Variants in CAMTA1 observed in about 807,000 individuals in gnomAD.
CAMTA1 encodes calmodulin-binding transcription activator 1.
CAMTA1 carries 27 observed loss-of-function variants against 170.9 expected under a neutral mutation model. The ratio of observed to expected loss-of-function variants is 0.16; its 90% CI spans 0.12 to 0.22. CAMTA1 has a LOEUF of 0.22. Among genes scored for constraint, CAMTA1 ranks in the 10% least tolerant of loss-of-function variants. The pLI is 1.00. For missense variants in CAMTA1, 1,619 were observed against 2,217.2 expected (o/e 0.73, Z 5.42); for synonymous variants, 833 against 891.5 (o/e 0.93, Z 1.17).
At chr1:6,850,153 G>A (rs1450506515) in intron 3 of CAMTA1, among the ~76,000 whole-genome samples, 1 of 152,018 alleles carries the variant, frequency 6.6e-6, no homozygotes, top group Non-Finnish European at 1.5e-5. Context: ...GAAAACGTGG[G>A]TCAATACTTA....
chr1:7,379,827 T>C (rs1282328992), intron 5 of CAMTA1, among the ~76,000 whole-genome samples: 1 of 152,240 alleles, frequency 6.6e-6, no homozygotes, highest in Non-Finnish European at 1.5e-5. Flanking sequence ...CAGCTTTCCT[T>C]GTGTTCTCAT....
At chr1:7,703,184 G>A (rs977951164) in intron 11 of CAMTA1, among the ~76,000 whole-genome samples, 2 of 152,216 alleles carry the variant, frequency 1.3e-5, no homozygotes, top group African/African-American at 2.4e-5. Flanking sequence ...AAGCCACTGA[G>A]GGTGGCCAGA....
intron 4 of CAMTA1, among the ~76,000 whole-genome samples, chr1:7,208,070 T>C (rs1344744748): frequency 6.6e-6 from 1 of 152,266 alleles, no homozygotes; most frequent in East Asian, 1.9e-4. Context: ...CTTGCTCCTC[T>C]TGTGGCCAAC....
At chr1:7,245,788 C>T (rs967860382) in intron 4 of CAMTA1, among the ~76,000 whole-genome samples, 5 of 152,064 alleles carry the variant, frequency 3.3e-5, no homozygotes, top group African/African-American at 4.8e-5. Context: ...AAGGAGATCC[C>T]GAGATGAAGA....
intron 3 of CAMTA1, among the ~76,000 whole-genome samples, chr1:6,922,666 C>T (rs544894685): frequency 6.8e-4 from 104 of 152,294 alleles, no homozygotes; most frequent in African/African-American, 2.3e-3. Flanking sequence ...AGTCACACGG[C>T]ATCCCTCCTG....
intron 5 of CAMTA1, among the ~76,000 whole-genome samples, chr1:7,425,316 G>A (rs777352303): frequency 2.1e-4 from 32 of 152,236 alleles, no homozygotes; most frequent in African/African-American, 7.0e-4. Context: ...AGGAGAGGCC[G>A]CACAGTTCCC....
chr1:7,581,263 G>C (rs2095258179), intron 6 of CAMTA1, among the ~76,000 whole-genome samples: 1 of 152,244 alleles, frequency 6.6e-6, no homozygotes, highest in South Asian at 2.1e-4. Flanking sequence ...ACTTTTTCCT[G>C]GCAATCATGG....
chr1:7,563,028 G>A (rs1246475377), intron 6 of CAMTA1, among the ~76,000 whole-genome samples: 6 of 152,150 alleles, frequency 3.9e-5, no homozygotes, highest in South Asian at 2.1e-4. Flanking sequence ...TTCTAGAGAC[G>A]ACTCTCAACA....
intron 2 of CAMTA1, among the ~76,000 whole-genome samples, chr1:6,824,656 T>C (rs1646904230): frequency 6.6e-6 from 1 of 152,188 alleles, no homozygotes; most frequent in African/African-American, 2.4e-5. Flanking sequence ...GATGAAGTAG[T>C]ATTTACGAAC....
intron 7 of CAMTA1, among the ~76,000 whole-genome samples, chr1:7,655,077 C>A (rs1268282384): frequency 3.3e-5 from 4 of 119,622 alleles, no homozygotes; most frequent in African/African-American, 9.1e-5. Context: ...CACCTATACA[C>A]ACACACCCAC....
intron 5 of CAMTA1, among the ~76,000 whole-genome samples, chr1:7,281,828 TGTGTGTG>T (rs1671559470): frequency 6.6e-6 from 1 of 151,592 alleles, no homozygotes; most frequent in Non-Finnish European, 1.5e-5. Flanking sequence ...TGTGTGTGTG[TGTGTGTG>T]TGTGTGTGTA....
rs1343628627 is a variant in CAMTA1, at chr1:7,736,655, C to T, written c.3263+115C>T. ...CCCATTCAGTCCACTTTATAGCCGG[C>T]GAGCAAAGGGCTTTGTCCTTGGACA... On this transcript the variant is annotated intron_variant, in intron 13 of 22. Transcript: ENST00000303635. The surrounding 1 kb of genome is among the most constrained non-coding windows in gnomAD (Gnocchi z 4.5). 7.8e-6 allele frequency: 8 copies of T among 1,029,736 alleles called. No homozygotes were observed. The highest frequency in any genetic ancestry group is 1.6e-5 in the African/African-American group (1 of 63,010). The allele number at this position is 1,029,736 out of a possible 1,614,324, so 63.8% of individuals were successfully genotyped here.
At chr1:7,413,973 T>C (rs1263973864) in intron 5 of CAMTA1, among the ~76,000 whole-genome samples, 1 of 152,228 alleles carries the variant, frequency 6.6e-6, no homozygotes, top group Non-Finnish European at 1.5e-5. Flanking sequence ...TGAAGGGTTG[T>C]TGAATTTTGT....
At chr1:6,895,135 A>G (rs1675350370) in intron 3 of CAMTA1, among the ~76,000 whole-genome samples, 1 of 152,232 alleles carries the variant, frequency 6.6e-6, no homozygotes, top group Non-Finnish European at 1.5e-5. Flanking sequence ...CTGTCCGGAC[A>G]GGGTGCAGTG....
chr1:7,246,380 T>C (rs1030021728), intron 4 of CAMTA1, among the ~76,000 whole-genome samples: 1 of 152,212 alleles, frequency 6.6e-6, no homozygotes, highest in Non-Finnish European at 1.5e-5. Context: ...CGTGCCCCAC[T>C]GGTACCGGGC....
At chr1:6,962,106 T>C (rs562265859) in intron 3 of CAMTA1, among the ~76,000 whole-genome samples, 1 of 152,300 alleles carries the variant, frequency 6.6e-6, no homozygotes, top group African/African-American at 2.4e-5. Context: ...GCTTTGGGCC[T>C]CACGCCTCTG....
At chr1:6,882,410 C>G (rs552824785) in intron 3 of CAMTA1, among the ~76,000 whole-genome samples, 1 of 152,164 alleles carries the variant, frequency 6.6e-6, no homozygotes, top group South Asian at 2.1e-4. Context: ...ACTGATGGTG[C>G]CTTGGACAGA....
At chr1:6,964,680 C>T (rs542808212) in intron 3 of CAMTA1, among the ~76,000 whole-genome samples, 2 of 152,350 alleles carry the variant, frequency 1.3e-5, no homozygotes, top group African/African-American at 4.8e-5. Flanking sequence ...CCTTTGTACA[C>T]TTTTATAAGA....
chr1:7,587,260 C>G lies in CAMTA1; in HGVS notation c.511-53140C>G, dbSNP rs922083264. On this transcript the variant is annotated intron_variant, in intron 6 of 22. Coordinates refer to ENST00000303635, the MANE Select transcript of CAMTA1 (RefSeq NM_015215.4). The stretch of plus-strand genomic sequence containing the variant: ...TCCACCCGCCGCCCCTGCAGGCGGC[C>G]CTGCTGTGCCTGGCAGAGCCCTGGC... 4.1e-4 allele frequency among the ~76,000 whole-genome samples: 63 copies of G among 152,164 alleles called. 2 individuals carry two copies. Among genetic ancestry groups the G allele is most frequent in the African/African-American group, 1.5e-3 (63 of 41,414 alleles).
Sources: allele counts gnomAD v4.1 joint callset (sites outside exome capture counted in the v4.1 genomes callset), GRCh38; gene constraint gnomAD v4.1.1; non-coding constraint Gnocchi (gnomAD v3.1); transcripts MANE v1.5; gene names NCBI Gene and HGNC (gene_info 2026-07-23, HGNC 2026-07-21).